The following TRIM49D1 variants were observed in gnomAD, a reference collection of about 807,000 sequenced individuals.
TRIM49D1 encodes tripartite motif containing 49D1, also known as tripartite motif-containing protein 49D.
At position 89,921,920 on chromosome 11, in the gene TRIM49D1, C is replaced by T. The variant is rs1950336947; in HGVS notation, c.-284G>A. Among the ~76,000 whole-genome samples the T allele has an allele frequency of 6.6e-6, 1 of 152,044 alleles. No homozygotes were observed. Among genetic ancestry groups the T allele is most frequent in the South Asian group, 2.1e-4 (1 of 4,812 alleles). On this transcript the variant is annotated 5_prime_UTR_variant, in exon 1 of 8. Transcript: ENST00000420869. ...TCTGCAAAATACCTTCCCAGTAGGT[C>T]CTACGTGAGTGTTTCATTGAATAAC...
Position 89,920,525 on chromosome 11 carries a change from G to A in TRIM49D1, c.-215-16C>T, listed in dbSNP as rs1473269414. On this transcript the variant is annotated splice_polypyrimidine_tract_variant and intron_variant, in intron 1 of 7. Coordinates refer to ENST00000420869, the MANE Select transcript of TRIM49D1 (RefSeq NM_001384911.1). ...ACACCCACCTCTTTAAGTGGGTGGAGTATTGAGAAAGGTTGAGAATAAGAT... is the reference window on the plus strand; with the variant it reads ...ACACCCACCTCTTTAAGTGGGTGGAATATTGAGAAAGGTTGAGAATAAGAT... 2 of 161,622 alleles carry A rather than the reference G, an allele frequency of 1.2e-5. No individual in the cohort carries two copies. The highest frequency in any genetic ancestry group is 2.6e-5 in the Non-Finnish European group (2 of 76,778). 10.0% of individuals were successfully genotyped at this position (161,622 alleles called of 1,614,324 possible). A position where few individuals can be genotyped will look rare whatever the true frequency, so the allele number is the denominator to read the frequency against.
At position 89,921,341 on chromosome 11, in the gene TRIM49D1, T is replaced by A. The variant is rs563880756; in HGVS notation, c.-216+511A>T. Among the ~76,000 whole-genome samples, 407 of 152,140 alleles carry A rather than the reference T, an allele frequency of 2.7e-3. 6 individuals carry two copies. Among genetic ancestry groups the A allele is most frequent in the African/African-American group, 9.3e-3 (387 of 41,458 alleles). ...CGTAGGCTAATTCACAAATACAGAA[T>A]CCAAATGATAGGGATGGATTATATT... On this transcript the variant is annotated intron_variant, in intron 1 of 7. Coordinates refer to ENST00000420869, the MANE Select transcript of TRIM49D1 (RefSeq NM_001384911.1).
Position 89,922,065 on chromosome 11 carries a change from C to T in TRIM49D1, c.-429G>A, listed in dbSNP as rs1950337710. On this transcript the variant is annotated 5_prime_UTR_variant, in exon 1 of 8. Coordinates refer to ENST00000420869, the MANE Select transcript of TRIM49D1 (RefSeq NM_001384911.1). ...TCTCCCCACTTTATGTTTTTGTTTG[C>T]TTTGTCAAAGATCAGTTGGTTGTTA... Among the ~76,000 whole-genome samples the T allele has an allele frequency of 1.3e-5, 2 of 151,960 alleles. No individual in the cohort carries two copies. Among genetic ancestry groups the T allele is most frequent in the African/African-American group, 4.8e-5 (2 of 41,284 alleles).
At chr11:89,921,608 T>G (rs1159820066) in intron 1 of TRIM49D1, 4 of 151,946 alleles carry the variant, frequency 2.6e-5, no homozygotes, top group Admixed American at 1.3e-4. Context: ...CACATATGAA[T>G]TAAGTGCAAG....
intron 1 of TRIM49D1, among the ~76,000 whole-genome samples, 172 bp from the exon 2 acceptor site, chr11:89,920,681 T>G (rs1173020017): frequency 6.6e-6 from 1 of 152,004 alleles, no homozygotes; most frequent in African/African-American, 2.4e-5. Context: ...ACACTGGAAA[T>G]TAACTAAGAT....
In TRIM49D1 at chr11:89,922,080, G is replaced by T. The variant is rs1367694570; in HGVS notation, c.-444C>A. ...TTTTTGTTTGCTTTGTCAAAGATCA[G>T]TTGGTTGTTAAGTATTTGGGTTCAT... On this transcript the variant is annotated 5_prime_UTR_variant, in exon 1 of 8. In the 5' UTR this introduces an upstream ATG that the reference lacks. Transcript: ENST00000420869. Among the ~76,000 whole-genome samples, 1 of 151,994 alleles carries T rather than the reference G, an allele frequency of 6.6e-6. No homozygotes were observed. The highest frequency in any genetic ancestry group is 2.4e-5 in the African/African-American group (1 of 41,306).
intron 1 of TRIM49D1, 77 bp downstream of exon 1, chr11:89,921,775 A>T (rs933738090): frequency 6.6e-6 from 1 of 152,008 alleles, no homozygotes; most frequent in Non-Finnish European, 1.5e-5. Flanking sequence ...TTACAGTCCC[A>T]TTCGCTATTT....
At position 89,921,900 on chromosome 11, in the gene TRIM49D1, A is replaced by C. The variant is rs553433618; in HGVS notation, c.-264T>G. ...GAGCAGGACCTTTCGTTACATCTGC[A>C]AAATACCTTCCCAGTAGGTCCTACG... is the stretch of plus-strand genomic sequence containing the variant. On this transcript the variant is annotated 5_prime_UTR_variant, in exon 1 of 8. Transcript: ENST00000420869. 13 of 152,228 alleles carry C rather than the reference A, an allele frequency of 8.5e-5. No individual in the cohort carries two copies. Among genetic ancestry groups the C allele is most frequent in the Admixed American group, 7.2e-4 (11 of 15,290 alleles). 9.4% of individuals were successfully genotyped at this position (152,228 alleles called of 1,614,324 possible).
chr11:89,921,706 G>C (rs959279186), intron 1 of TRIM49D1, 146 bp downstream of exon 1: 4 of 152,024 alleles, frequency 2.6e-5, no homozygotes, highest in African/African-American at 9.7e-5. Flanking sequence ...CAGCTGGCTG[G>C]ATCCCAATGG....
At chr11:89,912,414 C>A (rs1374614135) in intron 7 of TRIM49D1, among the ~76,000 whole-genome samples, 2 of 149,426 alleles carry the variant, frequency 1.3e-5, no homozygotes, top group African/African-American at 4.8e-5. Flanking sequence ...GCCCTAAATG[C>A]TATGCTGTTA....
At chr11:89,921,490 T>C (rs537480541) in intron 1 of TRIM49D1, 1 of 152,120 alleles carries the variant, frequency 6.6e-6, no homozygotes, top group South Asian at 2.1e-4. Context: ...CCACAAGACT[T>C]ATATTCAAGA....
At chr11:89,920,875 G>T (rs984219972) in intron 1 of TRIM49D1, among the ~76,000 whole-genome samples, 4 of 151,938 alleles carry the variant, frequency 2.6e-5, no homozygotes, top group African/African-American at 9.7e-5. Context: ...TAGGACTACA[G>T]GCTCAAACCA....
intron 7 of TRIM49D1, among the ~76,000 whole-genome samples, chr11:89,912,402 G>A (rs1431550079): frequency 6.7e-6 from 1 of 149,560 alleles, no homozygotes; most frequent in East Asian, 2.0e-4. Context: ...TGCACATTAT[G>A]TGCCCTAAAT....
intron 1 of TRIM49D1, 110 bp downstream of exon 1, chr11:89,921,742 G>A (rs1950335726): frequency 6.6e-6 from 1 of 152,014 alleles, no homozygotes; most frequent in Admixed American, 6.5e-5. Context: ...TTGGTCCAAA[G>A]TCATTAGGGG....
At chr11:89,921,501 G>T (rs1333544743) in intron 1 of TRIM49D1, 1 of 152,014 alleles carries the variant, frequency 6.6e-6, no homozygotes, top group Non-Finnish European at 1.5e-5. Flanking sequence ...ATATTCAAGA[G>T]TGTCAGAACA....
chr11:89,912,450 C>A (rs1950320914), intron 7 of TRIM49D1, among the ~76,000 whole-genome samples: 1 of 149,164 alleles, frequency 6.7e-6, no homozygotes, highest in African/African-American at 2.4e-5. Flanking sequence ...AGAAATGTTT[C>A]TTATTCTTAA....
chr11:89,922,087 G>T lies in TRIM49D1; in HGVS notation c.-451C>A, dbSNP rs1950337881. ...TTGCTTTGTCAAAGATCAGTTGGTTGTTAAGTATTTGGGTTCATTTCTGGG... is the reference window on the plus strand; with the variant it reads ...TTGCTTTGTCAAAGATCAGTTGGTTTTTAAGTATTTGGGTTCATTTCTGGG... On this transcript the variant is annotated 5_prime_UTR_variant, in exon 1 of 8. Coordinates refer to ENST00000420869, the MANE Select transcript of TRIM49D1 (RefSeq NM_001384911.1). 6.6e-6 allele frequency among the ~76,000 whole-genome samples: 1 copy of T among 151,954 alleles called. No individual in the cohort carries two copies. Among genetic ancestry groups the T allele is most frequent in the South Asian group, 2.1e-4 (1 of 4,796 alleles).
Position 89,922,046 on chromosome 11 carries a change from C to A in TRIM49D1, c.-410G>T, listed in dbSNP as rs2134745798. On this transcript the variant is annotated 5_prime_UTR_variant, in exon 1 of 8. Transcript: ENST00000420869. ...TTTGTTGAATAGGGTGTCCTCTCCCCACTTTATGTTTTTGTTTGCTTTGTC... is the reference window on the plus strand; with the variant it reads ...TTTGTTGAATAGGGTGTCCTCTCCCAACTTTATGTTTTTGTTTGCTTTGTC... 6.6e-6 allele frequency among the ~76,000 whole-genome samples: 1 copy of A among 152,122 alleles called. No individual in the cohort carries two copies. Among genetic ancestry groups the A allele is most frequent in the East Asian group, 1.9e-4 (1 of 5,182 alleles).
intron 1 of TRIM49D1, among the ~76,000 whole-genome samples, chr11:89,920,833 A>G (rs1311525479): frequency 1.3e-5 from 2 of 152,110 alleles, no homozygotes; most frequent in African/African-American, 2.4e-5. Context: ...CCAAGGCTCA[A>G]GGGATCCTCC....
Sources: gnomAD v4.1 joint callset for allele counts (sites outside exome capture counted in the v4.1 genomes callset) on GRCh38, gnomAD v4.1.1 for gene constraint, MANE v1.5 for transcripts, NCBI Gene and HGNC (gene_info 2026-07-23, HGNC 2026-07-21) for gene names.